Variants in BCKDHB observed in about 807,000 individuals in gnomAD.
The protein encoded by BCKDHB is 2-oxoisovalerate dehydrogenase subunit beta, mitochondrial.
Under a neutral mutation model 48.5 loss-of-function variants are expected in BCKDHB, and 41 were observed. The observed-to-expected ratio is 0.85, with a 90% CI of 0.66 to 1.10. The LOEUF (loss-of-function observed/expected upper bound fraction) is 1.10, where lower values mean the gene tolerates loss of function less well. Ranked by LOEUF, BCKDHB falls within the 50% of genes least tolerant of loss-of-function variation. The pLI, the probability that BCKDHB is intolerant of heterozygous loss-of-function variation, is 0.00. For synonymous variants in BCKDHB, 201 were observed against 174.8 expected (o/e 1.15, Z -1.18); for missense variants, 496 against 494.2 (o/e 1.00, Z -0.03).
the BCKDHB span, among the ~76,000 whole-genome samples, chr6:80,373,826 C>G: frequency 6.6e-6 from 1 of 152,004 alleles, no homozygotes; most frequent in Non-Finnish European, 1.5e-5. Flanking sequence ...AATAGCTACT[C>G]CTGCTTGCTT....
intron 6 of BCKDHB, among the ~76,000 whole-genome samples, chr6:80,178,788 G>T (rs556182849): frequency 6.6e-6 from 1 of 152,156 alleles, no homozygotes; most frequent in Non-Finnish European, 1.5e-5. Context: ...CACAGATGGT[G>T]ACTTTTAAGA....
At chr6:80,257,260 C>G (rs1777087782) in intron 8 of BCKDHB, among the ~76,000 whole-genome samples, 2 of 151,904 alleles carry the variant, frequency 1.3e-5, no homozygotes, top group East Asian at 1.9e-4. Context: ...CCTAGTTTCT[C>G]TTGTCTTTAA....
the BCKDHB span, among the ~76,000 whole-genome samples, chr6:80,381,969 A>G: frequency 6.6e-6 from 1 of 152,244 alleles, no homozygotes; most frequent in Middle Eastern, 3.4e-3. Flanking sequence ...GTCATTTGTT[A>G]TATTTTTATT....
intron 9 of BCKDHB, among the ~76,000 whole-genome samples, chr6:80,336,980 T>C (rs1769623868): frequency 6.6e-6 from 1 of 152,110 alleles, no homozygotes; most frequent in African/African-American, 2.4e-5. Flanking sequence ...AAACATGATA[T>C]GTATTGTTTA....
At chr6:80,384,478 C>T in the BCKDHB span, among the ~76,000 whole-genome samples, 1 of 152,078 alleles carries the variant, frequency 6.6e-6, no homozygotes. Context: ...CCTGACTCAG[C>T]CTCATGAGTA....
intron 9 of BCKDHB, among the ~76,000 whole-genome samples, chr6:80,320,071 A>C (rs2128001129): frequency 6.6e-6 from 1 of 152,348 alleles, no homozygotes; most frequent in South Asian, 2.1e-4. Context: ...GCATGTATTC[A>C]GCTTTTATAA....
chr6:80,320,703 C>G (rs569374969), intron 9 of BCKDHB, among the ~76,000 whole-genome samples: 10 of 152,232 alleles, frequency 6.6e-5, no homozygotes, highest in African/African-American at 2.2e-4. Flanking sequence ...ATTGGTTTTA[C>G]AATTTTAAAT....
At chr6:80,434,365 A>T in the BCKDHB span, among the ~76,000 whole-genome samples, 3 of 151,556 alleles carry the variant, frequency 2.0e-5, no homozygotes, top group African/African-American at 7.3e-5. Context: ...ATAATACTCT[A>T]CAAAGTAGAG....
At chr6:80,418,231 A>T in the BCKDHB span, among the ~76,000 whole-genome samples, 1 of 152,182 alleles carries the variant, frequency 6.6e-6, no homozygotes, top group African/African-American at 2.4e-5. Context: ...TGGTTTCAAC[A>T]TACTTCGGTA....
intron 9 of BCKDHB, among the ~76,000 whole-genome samples, chr6:80,291,249 A>T (rs75362752): frequency 0.014 from 2,147 of 152,220 alleles, 38 homozygotes; most frequent in African/African-American, 0.049. Context: ...AGGGATGAAG[A>T]TCAATCTTCT....
chr6:80,404,745 G>C, the BCKDHB span, among the ~76,000 whole-genome samples: 3 of 151,644 alleles, frequency 2.0e-5, no homozygotes, highest in African/African-American at 7.3e-5. Context: ...CATAAGTTTT[G>C]GTATATGTGT....
rs1471533958 is a variant in BCKDHB at position 80,181,583 on chromosome 6, T to C, written c.742+10193T>C. Among the ~76,000 whole-genome samples the C allele has an allele frequency of 2.6e-5, 4 of 152,154 alleles. No homozygotes were observed. The East Asian group carries it at 7.7e-4, about 29-fold the overall frequency. ...AGGTGTGGGTTGGATTTGCTGATTTTAGTTGGGCTATTTCACCAGTTGTGG... is the reference window on the plus strand; with the variant it reads ...AGGTGTGGGTTGGATTTGCTGATTTCAGTTGGGCTATTTCACCAGTTGTGG... On this transcript the variant is annotated intron_variant, in intron 6 of 9. Transcript: ENST00000320393.
chr6:80,400,809 C>A, the BCKDHB span, among the ~76,000 whole-genome samples: 2 of 151,988 alleles, frequency 1.3e-5, no homozygotes, highest in South Asian at 2.1e-4. Flanking sequence ...CATATGGAAT[C>A]AACCTAAGTG....
intron 7 of BCKDHB, 110 bp from the exon 8 acceptor site, chr6:80,202,992 C>A (rs1774467212): frequency 1.3e-6 from 1 of 787,424 alleles, no homozygotes; most frequent in Non-Finnish European, 2.3e-6. Flanking sequence ...CCATGCAGAT[C>A]AGTTCCTGAG....
At chr6:80,425,311 G>GT in the BCKDHB span, among the ~76,000 whole-genome samples, 2 of 152,144 alleles carry the variant, frequency 1.3e-5, no homozygotes, top group South Asian at 4.1e-4. Context: ...TTATCCAATG[G>GT]TTAAGTATGA....
At chr6:80,386,169 C>G in the BCKDHB span, among the ~76,000 whole-genome samples, 1 of 152,154 alleles carries the variant, frequency 6.6e-6, no homozygotes, top group South Asian at 2.1e-4. Flanking sequence ...AGAGCAGCAC[C>G]TGCACCTTTG....
At chr6:80,364,552 T>A in the BCKDHB span, among the ~76,000 whole-genome samples, 7 of 152,240 alleles carry the variant, frequency 4.6e-5, no homozygotes, top group Non-Finnish European at 1.0e-4. Flanking sequence ...AACGTATTCA[T>A]TAGTCTATTT....
At chr6:80,328,117 T>C (rs1357943208) in intron 9 of BCKDHB, among the ~76,000 whole-genome samples, 2 of 152,188 alleles carry the variant, frequency 1.3e-5, no homozygotes, top group African/African-American at 2.4e-5. Context: ...CTAAGGACTT[T>C]CAAGCCCTTC....
At chr6:80,186,406 C>T (rs1372151404) in intron 6 of BCKDHB, among the ~76,000 whole-genome samples, 1 of 152,202 alleles carries the variant, frequency 6.6e-6, no homozygotes, top group Non-Finnish European at 1.5e-5. Context: ...GCCAATCTCA[C>T]TCCTGCCATG....
Sources: gnomAD v4.1 joint callset for allele counts (sites outside exome capture counted in the v4.1 genomes callset) on GRCh38, gnomAD v4.1.1 for gene constraint, MANE v1.5 for transcripts, NCBI Gene and HGNC (gene_info 2026-07-23, HGNC 2026-07-21) for gene names.